The following XKR9 variants were observed in gnomAD, a reference collection of about 807,000 sequenced individuals.
XKR9 encodes XK related 9.
In XKR9, 32 loss-of-function variants were observed where a neutral mutation model predicts 32.0. The ratio of observed to expected loss-of-function variants is 1.00; its 90% CI spans 0.76 to 1.34. XKR9 has a LOEUF of 1.34. Among genes scored for constraint, XKR9 ranks in the 40% most tolerant of loss-of-function variants. The pLI is 0.00. For missense variants in XKR9, 546 were observed against 429.7 expected, an observed-to-expected ratio of 1.27 and a Z score of -2.39; for synonymous variants, 168 against 143.4, an observed-to-expected ratio of 1.17 and a Z score of -1.22.
At chr8:70,988,089 C>T in the XKR9 span, among the ~76,000 whole-genome samples, 1 of 152,156 alleles carries the variant, frequency 6.6e-6, no homozygotes, top group East Asian at 1.9e-4. Context: ...AATGAAACAA[C>T]TTTTCCTCCT....
At chr8:70,763,250 T>C (rs1018890122) in intron 2 of XKR9, among the ~76,000 whole-genome samples, 3 of 152,214 alleles carry the variant, frequency 2.0e-5, no homozygotes, top group African/African-American at 4.8e-5. Context: ...TTCACTCTAC[T>C]TCAGAAGCAT....
intron 2 of XKR9, among the ~76,000 whole-genome samples, chr8:70,754,839 G>C (rs1044975428): frequency 1.8e-4 from 28 of 152,022 alleles, no homozygotes; most frequent in African/African-American, 6.5e-4. Flanking sequence ...TTACCATTCA[G>C]GACACAGGCA....
the XKR9 span, among the ~76,000 whole-genome samples, chr8:71,019,838 T>A: frequency 6.6e-6 from 1 of 152,202 alleles, no homozygotes; most frequent in Admixed American, 6.5e-5. Context: ...GAAGCACATA[T>A]AAAACTCTGT....
the XKR9 span, among the ~76,000 whole-genome samples, chr8:70,883,597 G>A: frequency 6.6e-6 from 1 of 152,070 alleles, no homozygotes; most frequent in Non-Finnish European, 1.5e-5. Context: ...GTCTCTACAG[G>A]TTGGTCTTTG....
the XKR9 span, among the ~76,000 whole-genome samples, chr8:70,967,126 G>A: frequency 2.1e-5 from 3 of 144,204 alleles, no homozygotes; most frequent in Non-Finnish European, 4.5e-5. Context: ...GCAGTGGTGC[G>A]ATCTTGGCTC....
chr8:70,671,928 GACAA>G (rs1262454079), intron 1 of XKR9, among the ~76,000 whole-genome samples: 3 of 69,034 alleles, frequency 4.3e-5, no homozygotes, highest in African/African-American at 8.5e-5. Context: ...ACCAACAACA[GACAA>G]ACAGAGAGCC....
chr8:70,675,056 T>C (rs1818838318), intron 2 of XKR9, among the ~76,000 whole-genome samples, 157 bp downstream of exon 2: 1 of 152,176 alleles, frequency 6.6e-6, no homozygotes, highest in Non-Finnish European at 1.5e-5. Context: ...TAGGTTGATA[T>C]TTGGAATTGG....
chr8:70,816,056 G>C, the XKR9 span, among the ~76,000 whole-genome samples: 1 of 152,042 alleles, frequency 6.6e-6, no homozygotes, highest in African/African-American at 2.4e-5. Flanking sequence ...GGAGGCAGAG[G>C]TTGCAATGAG....
chr8:70,697,086 G>T (rs992495031), intron 3 of XKR9, among the ~76,000 whole-genome samples: 1 of 151,164 alleles, frequency 6.6e-6, no homozygotes, highest in African/African-American at 2.4e-5. Context: ...ATTTTGGGCT[G>T]AGACAATGGG....
chr8:70,787,301 A>G (rs1054008494), intron 2 of XKR9, among the ~76,000 whole-genome samples: 1 of 152,158 alleles, frequency 6.6e-6, no homozygotes, highest in African/African-American at 2.4e-5. Flanking sequence ...ATGTTTCTCT[A>G]AAAGTAACCC....
the XKR9 span, among the ~76,000 whole-genome samples, chr8:70,883,484 G>T: frequency 6.6e-6 from 1 of 151,998 alleles, no homozygotes; most frequent in Non-Finnish European, 1.5e-5. Flanking sequence ...TTTCCTTTGG[G>T]TAGATACCCA....
the XKR9 span, among the ~76,000 whole-genome samples, chr8:70,921,576 A>G: frequency 2.0e-5 from 3 of 152,136 alleles, no homozygotes; most frequent in Admixed American, 2.0e-4. Flanking sequence ...TTTATTATTT[A>G]AGTTTCTCCC....
chr8:70,723,006 G>A (rs1806334403), intron 4 of XKR9, among the ~76,000 whole-genome samples: 1 of 151,514 alleles, frequency 6.6e-6, no homozygotes, highest in Non-Finnish European at 1.5e-5. Context: ...TTTTCATTTT[G>A]TTTTCTCTAA....
At chr8:70,872,188 C>T in the XKR9 span, among the ~76,000 whole-genome samples, 4 of 152,148 alleles carry the variant, frequency 2.6e-5, no homozygotes, top group Non-Finnish European at 4.4e-5. Flanking sequence ...AGTGAACACA[C>T]AAATAATAAG....
the XKR9 span, among the ~76,000 whole-genome samples, chr8:70,829,295 A>C: frequency 1.6e-5 from 2 of 121,606 alleles, no homozygotes; most frequent in Non-Finnish European, 3.8e-5. Flanking sequence ...AGTTAAAACA[A>C]TGAACATTTA....
the XKR9 span, among the ~76,000 whole-genome samples, chr8:70,935,120 TAC>T: frequency 1.0e-3 from 128 of 128,236 alleles, no homozygotes; most frequent in Middle Eastern, 8.6e-3. Flanking sequence ...TATATATATA[TAC>T]ACACACACAC....
chr8:70,685,490 T>TATAATAATAATAATAATAATAATAATA (rs56223664), intron 3 of XKR9, among the ~76,000 whole-genome samples: 5 of 141,636 alleles, frequency 3.5e-5, no homozygotes, highest in African/African-American at 1.3e-4. Context: ...AAACTTAAAG[T>TATAATAATAATAATAATAATAATAATA]ATAATAATAA....
chr8:70,928,390 TGCCATA>T, the XKR9 span, among the ~76,000 whole-genome samples: 7 of 152,180 alleles, frequency 4.6e-5, no homozygotes, highest in Non-Finnish European at 8.8e-5. Context: ...CCTGTGGTCT[TGCCATA>T]GCCTTGTGGA....
At chr8:71,050,298 T>G in the XKR9 span, among the ~76,000 whole-genome samples, 5,218 of 92,234 alleles carry the variant, frequency 0.057, 286 homozygotes, top group African/African-American at 0.19. Context: ...TATAGATATA[T>G]ATATAGATAT....
Sources: gnomAD v4.1 joint callset for allele counts (sites outside exome capture counted in the v4.1 genomes callset) on GRCh38, gnomAD v4.1.1 for gene constraint, MANE v1.5 for transcripts, NCBI Gene and HGNC (gene_info 2026-07-23, HGNC 2026-07-21) for gene names.